The following ODAD2 variants were observed in gnomAD, a reference collection of about 807,000 sequenced individuals.
The protein encoded by ODAD2 is outer dynein arm-docking complex subunit 2.
A neutral mutation model predicts 106.8 loss-of-function variants in ODAD2; 89 were observed. The ratio of observed to expected loss-of-function variants is 0.83; its 90% CI spans 0.70 to 0.99. The LOEUF is 0.99. Among genes scored for constraint, ODAD2 ranks in the 50% least tolerant of loss-of-function variants. The pLI is 0.00. For synonymous variants in ODAD2, 404 were observed against 436.2 expected (o/e 0.93, Z 0.92); for missense variants, 1,168 against 1,238.5 (o/e 0.94, Z 0.85).
chr10:27,997,894 A>G (rs56086075), intron 1 of ODAD2, among the ~76,000 whole-genome samples: 1 of 152,212 alleles, frequency 6.6e-6, no homozygotes, highest in Non-Finnish European at 1.5e-5. Flanking sequence ...TGAAGTAAAG[A>G]AAGTAAGTTT....
chr10:27,953,097 A>G lies in ODAD2; in HGVS notation c.1387-8135T>C, dbSNP rs532968472. Among the ~76,000 whole-genome samples the G allele has an allele frequency of 1.6e-4, 24 of 152,324 alleles. No individual in the cohort carries two copies. The South Asian group carries it at 5.0e-3, about 32-fold the overall frequency. ...ATCCAACACCTGTGCAATCATTACT[A>G]CGATGAAAGTAATAAATATATCCAT... On this transcript the variant is annotated intron_variant, in intron 10 of 19. Coordinates refer to ENST00000305242, the MANE Select transcript of ODAD2 (RefSeq NM_018076.5).
At chr10:27,953,468 T>C (rs1165071625) in intron 10 of ODAD2, among the ~76,000 whole-genome samples, 1 of 152,170 alleles carries the variant, frequency 6.6e-6, no homozygotes, top group African/African-American at 2.4e-5. Context: ...AAATAATGTA[T>C]ATATCCAAAC....
intron 10 of ODAD2, among the ~76,000 whole-genome samples, chr10:27,960,088 A>C (rs1478156834): frequency 6.6e-6 from 1 of 151,966 alleles, no homozygotes; most frequent in African/African-American, 2.4e-5. Flanking sequence ...ATCACGCTTA[A>C]AATGAAATTT....
intron 16 of ODAD2, among the ~76,000 whole-genome samples, chr10:27,910,312 G>A (rs1843908049): frequency 6.6e-6 from 1 of 152,048 alleles, no homozygotes; most frequent in Non-Finnish European, 1.5e-5. Context: ...TCACTCCTAG[G>A]GAAAAAAGTC....
chr10:27,838,008 G>A (rs1363536571), intron 19 of ODAD2, among the ~76,000 whole-genome samples: 1 of 151,920 alleles, frequency 6.6e-6, no homozygotes, highest in African/African-American at 2.4e-5. Flanking sequence ...AAGATCCTAA[G>A]AATCTAAGAT....
intron 17 of ODAD2, among the ~76,000 whole-genome samples, chr10:27,894,630 G>A (rs1317392138): frequency 1.3e-5 from 2 of 151,940 alleles, no homozygotes. Context: ...AGGCTTGAGT[G>A]CAGTGGCGCA....
chr10:27,987,314 C>A, intron 3 of ODAD2, 72 bp downstream of exon 3: 2 of 1,410,970 alleles, frequency 1.4e-6, no homozygotes, highest in Non-Finnish European at 2.0e-6. Context: ...AATGATCCTC[C>A]CACCCTTTCC....
chr10:27,870,830 T>G (rs1423320271), intron 17 of ODAD2, among the ~76,000 whole-genome samples: 3 of 152,228 alleles, frequency 2.0e-5, no homozygotes, highest in Non-Finnish European at 4.4e-5. Flanking sequence ...TGCATGTGTC[T>G]TTATAGCAAC....
chr10:27,871,714 T>C (rs1412118763), intron 17 of ODAD2, among the ~76,000 whole-genome samples: 2 of 152,214 alleles, frequency 1.3e-5, no homozygotes, highest in Non-Finnish European at 2.9e-5. Flanking sequence ...CATTGGTCTA[T>C]ATCTCTGTTT....
chr10:27,963,518 G>A (rs1848284151), intron 9 of ODAD2, among the ~76,000 whole-genome samples: 2 of 152,152 alleles, frequency 1.3e-5, no homozygotes, highest in Non-Finnish European at 2.9e-5. Flanking sequence ...CAAAGTCAAT[G>A]ACCATAATAG....
chr10:27,838,025 A>AT (rs1182603799), intron 19 of ODAD2, among the ~76,000 whole-genome samples: 2 of 152,142 alleles, frequency 1.3e-5, no homozygotes, highest in African/African-American at 2.4e-5. Flanking sequence ...AGATTTTTGT[A>AT]TTTTTTTAAA....
At chr10:27,974,716 C>G (rs548533261) in intron 7 of ODAD2, among the ~76,000 whole-genome samples, 1 of 148,984 alleles carries the variant, frequency 6.7e-6, no homozygotes, top group African/African-American at 2.5e-5. Flanking sequence ...TTAGGATTGC[C>G]TTGGCTATTC....
In ODAD2 at chr10:27,860,831, T is replaced by G. The variant is rs762518629; in HGVS notation, c.2815A>C (p.Arg939=). 1 of 1,614,060 alleles carries G rather than the reference T, an allele frequency of 6.2e-7. No individual in the cohort carries two copies. Among genetic ancestry groups the G allele is most frequent in the Non-Finnish European group, 8.5e-7 (1 of 1,179,930 alleles). Residue 939 remains arginine, a synonymous_variant, in exon 19 of 20, where the codon AGA becomes CGA. Coordinates refer to ENST00000305242, the MANE Select transcript of ODAD2 (RefSeq NM_018076.5). ...KLANTNNNKL[R]HHLAEAISRC... is the part of the protein sequence containing the mutation. ...GAAATAGCTTCTGCTAGATGATGTC[T>G]CAATTTATTGTTATTCTGTGCAAGG...
chr10:27,918,495 T>A (rs1844549513), intron 16 of ODAD2, among the ~76,000 whole-genome samples: 1 of 151,922 alleles, frequency 6.6e-6, no homozygotes, highest in Admixed American at 6.6e-5. Context: ...AATTCAAAAA[T>A]CTATTTTTAT....
intron 10 of ODAD2, among the ~76,000 whole-genome samples, chr10:27,952,417 C>T (rs2132720259): frequency 6.6e-6 from 1 of 150,426 alleles, no homozygotes; most frequent in Non-Finnish European, 1.5e-5. Flanking sequence ...ACCTTAAGTT[C>T]TAGGATACAT....
intron 16 of ODAD2, among the ~76,000 whole-genome samples, chr10:27,917,971 A>T (rs1041366861): frequency 6.6e-6 from 1 of 151,966 alleles, no homozygotes; most frequent in Non-Finnish European, 1.5e-5. Flanking sequence ...CCCAAGAAGG[A>T]ATTGAAAATC....
Position 27,860,699 on chromosome 10 carries a change from T to C in ODAD2, c.2947A>G (p.Thr983Ala), listed in dbSNP as rs1418830728. The C allele has an allele frequency of 6.2e-7, 1 of 1,614,172 alleles. No individual in the cohort carries two copies. The highest frequency in any genetic ancestry group is 2.2e-5 in the East Asian group (1 of 44,872). ...GAGAGTTGGTACAAGGCCTGAGCTG[T>C]CGCCCGATGCACGTTGGTGTCATTT... ...KSNDTNVHRA[T>A]AQALYQLSED... is the part of the protein sequence containing the mutation. Residue 983 changes from threonine to alanine, a missense_variant, in exon 19 of 20, where the codon ACA becomes GCA. Physicochemically the swap from Thr to Ala is moderately conservative, Grantham distance 58. Coordinates refer to ENST00000305242, the MANE Select transcript of ODAD2 (RefSeq NM_018076.5).
At chr10:27,885,983 A>C (rs1842194258) in intron 17 of ODAD2, among the ~76,000 whole-genome samples, 1 of 143,994 alleles carries the variant, frequency 6.9e-6, no homozygotes, top group Non-Finnish European at 1.5e-5. Flanking sequence ...AAAATTCACT[A>C]TAGGATATAA....
intron 10 of ODAD2, among the ~76,000 whole-genome samples, chr10:27,956,797 T>C (rs1483181985): frequency 6.6e-6 from 1 of 152,242 alleles, no homozygotes; most frequent in Non-Finnish European, 1.5e-5. Context: ...TTCATTATAA[T>C]GTGTATAAAA....
Sources: allele counts gnomAD v4.1 joint callset (sites outside exome capture counted in the v4.1 genomes callset), GRCh38; gene constraint gnomAD v4.1.1; transcripts MANE v1.5; gene names NCBI Gene and HGNC (gene_info 2026-07-23, HGNC 2026-07-21).